The following KLHL3 variants were observed in gnomAD, a reference collection of about 807,000 sequenced individuals.
KLHL3 encodes the protein kelch like family member 3.
A neutral mutation model predicts 70.5 loss-of-function variants in KLHL3; 19 were observed. The observed-to-expected ratio is 0.27, with a 90% CI of 0.19 to 0.40. The LOEUF is 0.40. Among genes scored for constraint, KLHL3 ranks in the 10% least tolerant of loss-of-function variants. The probability of loss-of-function intolerance (pLI) is 1.00; values close to 1 mark genes in which losing one functional copy is unlikely to be tolerated. For synonymous variants in KLHL3, 258 were observed against 290.3 expected (o/e 0.89, Z 1.13); for missense variants, 512 against 771.1 (o/e 0.66, Z 3.98).
chr5:137,689,276 T>C (rs919996093), intron 5 of KLHL3, among the ~76,000 whole-genome samples: 6 of 152,262 alleles, frequency 3.9e-5, no homozygotes, highest in African/African-American at 1.4e-4. Context: ...AGTCTGGAGA[T>C]TTCTCAAAGA....
intron 1 of KLHL3, among the ~76,000 whole-genome samples, chr5:137,734,825 C>T (rs1753235153): frequency 1.3e-5 from 2 of 152,214 alleles, no homozygotes; most frequent in Admixed American, 1.3e-4. Context: ...GGAATGTCAC[C>T]TCTGCACTGC....
chr5:137,691,642 G>A (rs1378390248), intron 5 of KLHL3, among the ~76,000 whole-genome samples: 1 of 148,280 alleles, frequency 6.7e-6, no homozygotes. Context: ...ATGGAGTCTC[G>A]CTCTGTCACC....
At chr5:137,644,596 C>T (rs2149888332) in intron 8 of KLHL3, among the ~76,000 whole-genome samples, 1 of 152,226 alleles carries the variant, frequency 6.6e-6, no homozygotes, top group Non-Finnish European at 1.5e-5. Flanking sequence ...ACACATACAA[C>T]CAACCAATAT....
At chr5:137,724,080 A>C (rs1297381921) in intron 1 of KLHL3, among the ~76,000 whole-genome samples, 4 of 152,236 alleles carry the variant, frequency 2.6e-5, no homozygotes, top group Admixed American at 6.5e-5. Flanking sequence ...GATGAATGAC[A>C]CATATATTTT....
chr5:137,640,537 G>A (rs1276203384), intron 8 of KLHL3, among the ~76,000 whole-genome samples: 1 of 152,192 alleles, frequency 6.6e-6, no homozygotes, highest in African/African-American at 2.4e-5. Context: ...TAAGGTAGTA[G>A]CTACCACTGC....
intron 14 of KLHL3, 74 bp downstream of exon 14, chr5:137,625,679 C>T: frequency 6.4e-7 from 1 of 1,570,070 alleles, no homozygotes; most frequent in Non-Finnish European, 8.7e-7. Context: ...CCTCATCCCA[C>T]TGGCCCACCC....
chr5:137,680,849 A>G (rs1222382389), intron 5 of KLHL3, among the ~76,000 whole-genome samples: 3 of 151,786 alleles, frequency 2.0e-5, no homozygotes, highest in Non-Finnish European at 4.4e-5. Context: ...CGGCAGCACC[A>G]CTCTTTAACA....
At position 137,735,859 on chromosome 5, in the gene KLHL3, G is replaced by A. The variant is rs1376045550; in HGVS notation, c.-213C>T. On this transcript the variant is annotated 5_prime_UTR_variant, in exon 1 of 15. Coordinates refer to ENST00000309755, the MANE Select transcript of KLHL3 (RefSeq NM_017415.3). Reference sequence around the variant, plus strand: ...CGCAAAAGCAGCAGCAACAGAAAATGTCTTACCCAGAGCTCCCTGCAGCCC... The same window carrying A: ...CGCAAAAGCAGCAGCAACAGAAAATATCTTACCCAGAGCTCCCTGCAGCCC... 1.7e-5 allele frequency: 11 copies of A among 649,476 alleles called. No homozygotes were observed. In the Middle Eastern group the frequency reaches 1.2e-3, roughly 70 times the overall value. 40.2% of individuals were successfully genotyped at this position (649,476 alleles called of 1,614,324 possible).
Position 137,628,344 on chromosome 5 carries a change from T to C in KLHL3, c.1544A>G (p.Asn515Ser), listed in dbSNP as rs1315596702. 3.7e-6 allele frequency: 6 copies of C among 1,614,050 alleles called. No individual in the cohort carries two copies. The highest frequency in any genetic ancestry group is 2.2e-5 in the South Asian group (2 of 91,074). The change falls in exon 13 of 15, where the codon AAT becomes AGT. Residue 515 changes from asparagine (N) to serine (S), a missense_variant. By Grantham distance (46) the Asn-to-Ser change is conservative (BLOSUM62 1). Transcript: ENST00000309755. ...CATGTCTGCCACTTGCTTCCAGGTA[T>C]TTGTTCCAGGATCGTAAACCTCAAC... ...KSVEVYDPGT[N>S]TWKQVADMNM...
chr5:137,725,269 TCA>T (rs145472970), intron 1 of KLHL3, among the ~76,000 whole-genome samples: 2 of 151,422 alleles, frequency 1.3e-5, no homozygotes, highest in Admixed American at 6.6e-5. Context: ...CCAGCCAAAA[TCA>T]CACACACACA....
Position 137,688,408 on chromosome 5 carries a change from G to A in KLHL3, c.526+3877C>T, listed in dbSNP as rs140735721. ...TGTCTGGGAGGAAGTCACCCGACAGGGAAGAGAAGAAGACACCCACATGGC... is the reference window on the plus strand; with the variant it reads ...TGTCTGGGAGGAAGTCACCCGACAGAGAAGAGAAGAAGACACCCACATGGC... On this transcript the variant is annotated intron_variant, in intron 5 of 14. Transcript: ENST00000309755. Among the ~76,000 whole-genome samples the A allele has an allele frequency of 6.4e-3, 979 of 152,310 alleles. 10 individuals are homozygous for A. Among genetic ancestry groups the A allele is most frequent in the Middle Eastern group, 0.02 (6 of 294 alleles).
intron 5 of KLHL3, 83 bp from the exon 6 acceptor site, chr5:137,677,737 C>G (rs1751920919): frequency 6.0e-6 from 5 of 831,768 alleles, no homozygotes; most frequent in Admixed American, 2.7e-5. Context: ...GTGGGATTCA[C>G]AGTAGAGTCC....
At chr5:137,642,489 C>T (rs1439479969) in intron 8 of KLHL3, among the ~76,000 whole-genome samples, 1 of 152,200 alleles carries the variant, frequency 6.6e-6, no homozygotes, top group East Asian at 1.9e-4. Context: ...TTTTGCACCT[C>T]TAGACAGTGA....
At position 137,621,841 on chromosome 5, in the gene KLHL3, A is replaced by T; in HGVS notation, c.*257T>A. Reference sequence around the variant, plus strand: ...ATTGTCCCTGTAGAAACACCAAAACAAAGCCCAAAGGTGCTGCCTGGGGAT... The same window carrying T: ...ATTGTCCCTGTAGAAACACCAAAACTAAGCCCAAAGGTGCTGCCTGGGGAT... On this transcript the variant is annotated 3_prime_UTR_variant, in exon 15 of 15. Transcript: ENST00000309755. The T allele has an allele frequency of 1.8e-6, 1 of 561,138 alleles. No individual in the cohort carries two copies. Among genetic ancestry groups the T allele is most frequent in the Non-Finnish European group, 3.2e-6 (1 of 312,988 alleles). 34.8% of individuals were successfully genotyped at this position (561,138 alleles called of 1,614,324 possible).
intron 2 of KLHL3, 118 bp from the exon 3 acceptor site, chr5:137,709,974 A>G: frequency 1.3e-6 from 1 of 771,692 alleles, no homozygotes; most frequent in Non-Finnish European, 2.2e-6. Flanking sequence ...AAGCTGTCAC[A>G]GGGACTTGCT....
intron 6 of KLHL3, 21 bp downstream of exon 6, chr5:137,677,524 C>T: frequency 1.4e-6 from 2 of 1,433,972 alleles, no homozygotes; most frequent in Non-Finnish European, 1.9e-6. Context: ...GTTCCCGTTT[C>T]CCCAGTGAGC....
At chr5:137,640,142 G>A (rs994948757) in intron 8 of KLHL3, among the ~76,000 whole-genome samples, 165 bp from the exon 9 acceptor site, 1 of 152,214 alleles carries the variant, frequency 6.6e-6, no homozygotes, top group Non-Finnish European at 1.5e-5. Context: ...CAACAGGTAT[G>A]AGTATTCAAG....
At chr5:137,645,033 C>T (rs1358053458) in intron 8 of KLHL3, among the ~76,000 whole-genome samples, 3 of 152,098 alleles carry the variant, frequency 2.0e-5, no homozygotes, top group East Asian at 1.9e-4. Context: ...AAAAACGATA[C>T]GTCACATTAA....
chr5:137,684,364 A>G (rs1312699731), intron 5 of KLHL3, among the ~76,000 whole-genome samples: 1 of 152,232 alleles, frequency 6.6e-6, no homozygotes, highest in East Asian at 1.9e-4. Context: ...ATTTTAGAAG[A>G]GGACTCTCAC....
Sources: gnomAD v4.1 joint callset for allele counts (sites outside exome capture counted in the v4.1 genomes callset) on GRCh38, gnomAD v4.1.1 for gene constraint, MANE v1.5 for transcripts, NCBI Gene and HGNC (gene_info 2026-07-23, HGNC 2026-07-21) for gene names.